The following ZSCAN5C variants were observed in gnomAD, a reference collection of about 807,000 sequenced individuals.
The protein encoded by ZSCAN5C is zinc finger and SCAN domain containing 5C.
In ZSCAN5C, 11 loss-of-function variants were observed where a neutral mutation model predicts 17.3. That is an observed-to-expected ratio of 0.64 (90% CI 0.40 to 1.06). The LOEUF (loss-of-function observed/expected upper bound fraction) is 1.06. Among genes scored for constraint, ZSCAN5C ranks in the 50% least tolerant of loss-of-function variants. ZSCAN5C has a pLI of 0.00. For synonymous variants in ZSCAN5C, 229 were observed against 208.4 expected (o/e 1.10, Z -0.85); for missense variants, 698 against 538.9 (o/e 1.30, Z -2.92).
At chr19:56,207,637 G>A (rs1035811799) in intron 3 of ZSCAN5C, among the ~76,000 whole-genome samples, 2 of 151,874 alleles carry the variant, frequency 1.3e-5, no homozygotes, top group Non-Finnish European at 2.9e-5. Context: ...AATTTGAGGA[G>A]TGTTTCTCAA....
rs551149612 is a variant in ZSCAN5C, at chr19:56,203,750, A to C, written c.-128+1428A>C. Reference sequence around the variant, plus strand: ...CCACAACCTCTGGCTCCCGGGTTGAAGTGATTCTCCTGCCTCAGCTTCCCA... The same window carrying C: ...CCACAACCTCTGGCTCCCGGGTTGACGTGATTCTCCTGCCTCAGCTTCCCA... On this transcript the variant is annotated intron_variant, in intron 1 of 4. Transcript: ENST00000534327. 2.7e-5 allele frequency among the ~76,000 whole-genome samples: 4 copies of C among 149,494 alleles called. No individual in the cohort carries two copies. In the East Asian group the frequency reaches 8.0e-4, roughly 30 times the overall value.
chr19:56,208,895 C>G (rs765525088), exon 5 of ZSCAN5C: 2 of 1,597,842 alleles, frequency 1.3e-6, no homozygotes, highest in South Asian at 2.2e-5. Flanking sequence ...CTTCATGCAG[C>G]GCATAGGCCT....
intron 3 of ZSCAN5C, 94 bp downstream of exon 3, chr19:56,207,356 G>A (rs901672672): frequency 1.6e-6 from 1 of 626,420 alleles, no homozygotes; most frequent in Non-Finnish European, 2.9e-6. Context: ...ATTTGGCACA[G>A]GACAAGATTA....
rs1399398097 is a variant in ZSCAN5C at position 56,204,865 on chromosome 19, T to C, written c.-127-922T>C. 7.2e-5 allele frequency among the ~76,000 whole-genome samples: 11 copies of C among 152,098 alleles called. No individual in the cohort carries two copies. In the East Asian group the frequency reaches 1.9e-3, roughly 27 times the overall value. On this transcript the variant is annotated intron_variant, in intron 1 of 4. Coordinates refer to ENST00000534327, the Ensembl canonical transcript of ZSCAN5C. The stretch of plus-strand genomic sequence containing the variant: ...TGTTCTCATAGCTGTTGAACTTGGG[T>C]GATAATTGATGCCTGGAGAGTATTA...
chr19:56,204,200 C>T (rs1430140849), intron 1 of ZSCAN5C, among the ~76,000 whole-genome samples: 4 of 151,378 alleles, frequency 2.6e-5, no homozygotes, highest in African/African-American at 4.9e-5. Context: ...TTGGAGTCCA[C>T]GTCCTGATTT....
exon 2 of ZSCAN5C, chr19:56,206,062 T>C (rs755008749): frequency 2.5e-6 from 4 of 1,612,870 alleles, no homozygotes; most frequent in Non-Finnish European, 3.4e-6. Flanking sequence ...TTCAGGATGT[T>C]CAGCTGCCCG....
At chr19:56,208,581 C>G (rs747290452) in exon 5 of ZSCAN5C, 27 of 1,595,686 alleles carry the variant, frequency 1.7e-5, no homozygotes, top group Non-Finnish European at 2.2e-5. Context: ...AGAGGAGACG[C>G]TCTGAATCTG....
At chr19:56,208,847 G>C in exon 5 of ZSCAN5C, 2 of 1,565,518 alleles carry the variant, frequency 1.3e-6, no homozygotes, top group East Asian at 4.5e-5. Flanking sequence ...ATCACACACA[G>C]GCGAGAGACT....
rs1462346502 is a variant in ZSCAN5C at position 56,204,864 on chromosome 19, G to A, written c.-127-923G>A. Among the ~76,000 whole-genome samples, 11 of 152,106 alleles carry A rather than the reference G, an allele frequency of 7.2e-5. No individual in the cohort carries two copies. The East Asian group carries it at 1.9e-3, about 27-fold the overall frequency. ...GTGTTCTCATAGCTGTTGAACTTGG[G>A]TGATAATTGATGCCTGGAGAGTATT... On this transcript the variant is annotated intron_variant, in intron 1 of 4. Transcript: ENST00000534327.
exon 5 of ZSCAN5C, chr19:56,208,589 C>T: frequency 1.3e-6 from 2 of 1,597,022 alleles, no homozygotes; most frequent in East Asian, 2.2e-5. Flanking sequence ...CGCTCTGAAT[C>T]TGAGAGGTCT....
chr19:56,204,227 C>A (rs1443408674), intron 1 of ZSCAN5C, among the ~76,000 whole-genome samples: 1 of 151,080 alleles, frequency 6.6e-6, no homozygotes, highest in African/African-American at 2.5e-5. Context: ...CTCTGTGTAC[C>A]TGCCCCAGAG....
At chr19:56,205,359 C>A (rs544185616) in intron 1 of ZSCAN5C, among the ~76,000 whole-genome samples, 1 of 151,980 alleles carries the variant, frequency 6.6e-6, no homozygotes, top group African/African-American at 2.4e-5. Flanking sequence ...TGTTGTGGGA[C>A]AATATCTTAC....
At chr19:56,202,775 T>C (rs1213751700) in intron 1 of ZSCAN5C, among the ~76,000 whole-genome samples, 1 of 151,958 alleles carries the variant, frequency 6.6e-6, no homozygotes, top group Non-Finnish European at 1.5e-5. Flanking sequence ...AGGCTGGTCC[T>C]GAACTCCTGG....
chr19:56,209,357 C>G (rs1013305044), downstream of ZSCAN5C: 3 of 493,764 alleles, frequency 6.1e-6, no homozygotes, highest in Admixed American at 1.1e-4. Flanking sequence ...TTTTTCCTCC[C>G]CGGGGGAATT....
At chr19:56,206,892 T>C (rs1233018598) in intron 2 of ZSCAN5C, among the ~76,000 whole-genome samples, 167 bp from the exon 3 acceptor site, 1 of 151,934 alleles carries the variant, frequency 6.6e-6, no homozygotes, top group Non-Finnish European at 1.5e-5. Flanking sequence ...CATATTTATA[T>C]ACTTATCTAG....
Position 56,207,196 on chromosome 19 carries a change from G to A in ZSCAN5C, c.522G>A (p.Pro174=), listed in dbSNP as rs569488763. The A allele has an allele frequency of 1.7e-4, 129 of 778,118 alleles. 5 individuals carry two copies. Among genetic ancestry groups the A allele is most frequent in the African/African-American group, 1.2e-3 (70 of 58,880 alleles). 48.2% of individuals were successfully genotyped at this position (778,118 alleles called of 1,614,324 possible). A position where few individuals can be genotyped will look rare whatever the true frequency, so the allele number is the denominator to read the frequency against. ...CCTCCTCTGTGAACCAGATGTGTCC[G>A]GAGGAAGGCCAGGCCAGCCAAGAGC... is the stretch of plus-strand genomic sequence containing the variant. Residue 174 remains proline (P), a synonymous_variant, in exon 3 of 5, where the codon CCG becomes CCA. Transcript: ENST00000534327.
chr19:56,208,358 G>C, intron 4 of ZSCAN5C, 91 bp from the exon 5 acceptor site: 1 of 872,564 alleles, frequency 1.1e-6, no homozygotes, highest in Non-Finnish European at 1.8e-6. Flanking sequence ...TTGAGGGGAA[G>C]TTGTCAGCCA....
At chr19:56,205,935 T>C in exon 2 of ZSCAN5C, 1 of 1,266,844 alleles carries the variant, frequency 7.9e-7, no homozygotes, top group South Asian at 1.2e-5. Flanking sequence ...TTGCACATCC[T>C]CATGGAGTCT....
At chr19:56,208,533 G>C (rs759372600) in exon 5 of ZSCAN5C, 26 of 1,588,178 alleles carry the variant, frequency 1.6e-5, no homozygotes, top group Non-Finnish European at 2.2e-5. Context: ...CCTTCTGCCT[G>C]CGTTGTGGAG....
Sources: allele counts gnomAD v4.1 joint callset (sites outside exome capture counted in the v4.1 genomes callset), GRCh38; gene constraint gnomAD v4.1.1; transcripts MANE v1.5; gene names NCBI Gene and HGNC (gene_info 2026-07-23, HGNC 2026-07-21).